Variants in C10orf90 observed in about 807,000 individuals in gnomAD.
The protein encoded by C10orf90 is chromosome 10 open reading frame 90.
In C10orf90, 56 loss-of-function variants were observed where a neutral mutation model predicts 62.5. The ratio of observed to expected loss-of-function variants is 0.90; its 90% CI spans 0.72 to 1.12. The LOEUF is 1.12. Ranked by LOEUF, C10orf90 falls within the 50% of genes most tolerant of loss-of-function variation. The pLI, the probability that C10orf90 is intolerant of heterozygous loss-of-function variation, is 0.00. For synonymous variants in C10orf90, 386 were observed against 340.4 expected (o/e 1.13, Z -1.47); for missense variants, 970 against 880.4 (o/e 1.10, Z -1.29).
intron 2 of C10orf90, among the ~76,000 whole-genome samples, chr10:126,514,768 C>A (rs750332342): frequency 1.3e-5 from 2 of 152,182 alleles, no homozygotes; most frequent in Non-Finnish European, 2.9e-5. Flanking sequence ...AGCCACAGCA[C>A]CGCCCTGCGC....
chr10:126,635,472 G>T (rs1845932311), intron 2 of C10orf90, among the ~76,000 whole-genome samples: 1 of 152,112 alleles, frequency 6.6e-6, no homozygotes, highest in African/African-American at 2.4e-5. Context: ...AAATAGAGTG[G>T]GCTCAGGATT....
chr10:126,532,026 T>C (rs1864108046), intron 2 of C10orf90, among the ~76,000 whole-genome samples: 1 of 152,206 alleles, frequency 6.6e-6, no homozygotes, highest in Non-Finnish European at 1.5e-5. Flanking sequence ...AGTTTCTGGG[T>C]AGCTGTGTGT....
intron 7 of C10orf90, among the ~76,000 whole-genome samples, chr10:126,442,316 A>G (rs926315002): frequency 1.3e-5 from 2 of 151,208 alleles, no homozygotes; most frequent in African/African-American, 4.9e-5. Context: ...AAAGAGGGAC[A>G]TTACATGATG....
chr10:126,665,918 C>A (rs561482301), intron 1 of C10orf90, among the ~76,000 whole-genome samples: 14 of 152,170 alleles, frequency 9.2e-5, no homozygotes, highest in Admixed American at 2.0e-4. Context: ...ATACCTGAAA[C>A]CAAGAAAAGA....
At chr10:126,620,214 C>T (rs1845619118) in intron 2 of C10orf90, among the ~76,000 whole-genome samples, 1 of 152,086 alleles carries the variant, frequency 6.6e-6, no homozygotes, top group Non-Finnish European at 1.5e-5. Flanking sequence ...TTTTTCCATG[C>T]CATCTTCTAA....
At chr10:126,482,774 G>A (rs906577978) in intron 4 of C10orf90, among the ~76,000 whole-genome samples, 11 of 152,176 alleles carry the variant, frequency 7.2e-5, no homozygotes, top group Non-Finnish European at 1.5e-5. Context: ...ACCAAGCTCT[G>A]GTGTGTCATT....
intron 2 of C10orf90, among the ~76,000 whole-genome samples, chr10:126,549,873 T>C (rs984613730): frequency 3.3e-5 from 5 of 151,744 alleles, no homozygotes; most frequent in Admixed American, 6.6e-5. Context: ...ACAACCTGAA[T>C]GAACCTCCAA....
intron 2 of C10orf90, among the ~76,000 whole-genome samples, chr10:126,591,015 A>C (rs1401876734): frequency 6.6e-6 from 1 of 152,224 alleles, no homozygotes; most frequent in African/African-American, 2.4e-5. Context: ...ATACCTGAAT[A>C]GACCAATAAT....
intron 2 of C10orf90, among the ~76,000 whole-genome samples, chr10:126,598,692 A>T (rs949169747): frequency 6.6e-6 from 1 of 152,222 alleles, no homozygotes; most frequent in South Asian, 2.1e-4. Context: ...GCAATCATCA[A>T]CTCACGGGTA....
chr10:126,579,070 T>TAAAAAAC, intron 2 of C10orf90, among the ~76,000 whole-genome samples: 1 of 149,362 alleles, frequency 6.7e-6, no homozygotes, highest in South Asian at 2.1e-4. Context: ...AAGTTTTTTT[T>TAAAAAAC]TAAAAAAAAA....
At chr10:126,603,705 G>C (rs1024823838) in intron 2 of C10orf90, among the ~76,000 whole-genome samples, 1 of 152,110 alleles carries the variant, frequency 6.6e-6, no homozygotes, top group Non-Finnish European at 1.5e-5. Flanking sequence ...TTCATATAAG[G>C]TGCTGAAAAC....
Position 126,501,801 on chromosome 10 carries a change from G to C in C10orf90, c.1534+2156C>G, listed in dbSNP as rs535975276. On this transcript the variant is annotated intron_variant, in intron 4 of 9. Transcript: ENST00000488181. ...GAAGCTGGAGGCTATGATTCTAAGT[G>C]AAGTAACATAGCAGTGGAAAGCCAA... 2.3e-4 allele frequency among the ~76,000 whole-genome samples: 35 copies of C among 152,252 alleles called. 1 individual carries two copies. The highest frequency in any genetic ancestry group is 8.2e-4 in the African/African-American group (34 of 41,544).
chr10:126,483,504 A>C (rs1258532758), intron 4 of C10orf90, among the ~76,000 whole-genome samples: 5 of 152,222 alleles, frequency 3.3e-5, no homozygotes, highest in Non-Finnish European at 5.9e-5. Flanking sequence ...CAGAAAGCTC[A>C]TTTGCAAGCA....
chr10:126,643,301 C>T (rs1176608242), intron 2 of C10orf90, among the ~76,000 whole-genome samples: 2 of 152,182 alleles, frequency 1.3e-5, no homozygotes, highest in African/African-American at 4.8e-5. Flanking sequence ...ATGTGGCCAG[C>T]CCACTCCACA....
intron 2 of C10orf90, among the ~76,000 whole-genome samples, chr10:126,633,002 C>T (rs1845880114): frequency 6.6e-6 from 1 of 152,162 alleles, no homozygotes; most frequent in Non-Finnish European, 1.5e-5. Context: ...TTTATTGGCA[C>T]TGTGGCAACA....
chr10:126,586,023 A>G (rs376031383), intron 2 of C10orf90, among the ~76,000 whole-genome samples: 5 of 152,248 alleles, frequency 3.3e-5, no homozygotes, highest in African/African-American at 9.6e-5. Flanking sequence ...TAACTCTACT[A>G]TAAAAACCAA....
chr10:126,648,174 T>C (rs1233034283), intron 1 of C10orf90, among the ~76,000 whole-genome samples: 1 of 151,946 alleles, frequency 6.6e-6, no homozygotes, highest in South Asian at 2.1e-4. Flanking sequence ...GTTTTTTTTT[T>C]AATCAGGAAC....
rs577853421 is a variant in C10orf90, at chr10:126,461,291, G to A, written c.2010+110C>T. 481 of 1,274,980 alleles carry A rather than the reference G, an allele frequency of 3.8e-4. 9 individuals are homozygous for A. The South Asian group carries it at 6.3e-3, about 17-fold the overall frequency. The allele number at this position is 1,274,980 out of a possible 1,614,324, so 79.0% of individuals were successfully genotyped here. On this transcript the variant is annotated intron_variant, in intron 6 of 9. Transcript: ENST00000488181. Reference sequence around the variant, plus strand: ...CCCAGTCACACAGCTGCTACAAAGTGAAATCAGGTTTCCAGCCTCAGAGGT... The same window carrying A: ...CCCAGTCACACAGCTGCTACAAAGTAAAATCAGGTTTCCAGCCTCAGAGGT...
chr10:126,457,560 A>G (rs532777185), intron 7 of C10orf90, among the ~76,000 whole-genome samples: 1 of 152,294 alleles, frequency 6.6e-6, no homozygotes, highest in South Asian at 2.1e-4. Flanking sequence ...CCTCCGTGCC[A>G]TTTTGTGTGT....
Sources: gnomAD v4.1 joint callset for allele counts (sites outside exome capture counted in the v4.1 genomes callset) on GRCh38, gnomAD v4.1.1 for gene constraint, MANE v1.5 for transcripts, NCBI Gene and HGNC (gene_info 2026-07-23, HGNC 2026-07-21) for gene names.